DAPK2: variants seen among roughly 807,000 people sequenced by gnomAD.
The protein encoded by DAPK2 is death associated protein kinase 2.
Under a neutral mutation model 44.1 loss-of-function variants are expected in DAPK2, and 35 were observed. The observed-to-expected ratio is 0.79, with a 90% CI of 0.61 to 1.05. DAPK2 has a LOEUF of 1.05. Among genes scored for constraint, DAPK2 ranks in the 50% least tolerant of loss-of-function variants. The pLI, the probability that DAPK2 is intolerant of heterozygous loss-of-function variation, is 0.00. For synonymous variants in DAPK2, 174 were observed against 182.6 expected (o/e 0.95, Z 0.38); for missense variants, 453 against 483.2 (o/e 0.94, Z 0.59).
chr15:63,933,625 G>C (rs13380034), intron 4 of DAPK2, among the ~76,000 whole-genome samples: 3,389 of 141,562 alleles, frequency 0.024, 74 homozygotes, highest in Non-Finnish European at 0.035. Flanking sequence ...TTGAGACAGG[G>C]TCTTGCTTAG....
At chr15:63,934,715 GC>G (rs1191359014) in intron 4 of DAPK2, among the ~76,000 whole-genome samples, 1 of 152,020 alleles carries the variant, frequency 6.6e-6, no homozygotes, top group African/African-American at 2.4e-5. Context: ...GAGCCACAAT[GC>G]CTGGCTAATT....
At chr15:64,002,736 G>A (rs2079114369) in intron 1 of DAPK2, among the ~76,000 whole-genome samples, 1 of 152,214 alleles carries the variant, frequency 6.6e-6, no homozygotes, top group South Asian at 2.1e-4. Context: ...ACAGTAGGCA[G>A]CTATTTGGTA....
rs116004874 is a variant in DAPK2, at chr15:64,032,351, A to G, written c.92+7819T>C. ...AAGCATAATTTTTCCAAGAGTGAGG[A>G]AACAGCAAGAGCAAAGATAAGTCAT... On this transcript the variant is annotated intron_variant, in intron 1 of 10. Coordinates refer to ENST00000261891, the Ensembl canonical transcript of DAPK2. 8.0e-3 allele frequency among the ~76,000 whole-genome samples: 1,225 copies of G among 152,328 alleles called. 17 individuals carry two copies. Among genetic ancestry groups the G allele is most frequent in the African/African-American group, 0.025 (1,039 of 41,562 alleles).
At chr15:64,010,856 G>A (rs916657866) in intron 1 of DAPK2, among the ~76,000 whole-genome samples, 4 of 152,168 alleles carry the variant, frequency 2.6e-5, no homozygotes, top group African/African-American at 9.7e-5. Context: ...CTGTAATCTT[G>A]TTTATAAACT....
chr15:63,949,981 C>G, intron 3 of DAPK2, among the ~76,000 whole-genome samples: 1 of 152,174 alleles, frequency 6.6e-6, no homozygotes, highest in South Asian at 2.1e-4. Context: ...AAAAAGACTT[C>G]CATGCTGTGA....
At chr15:63,965,028 C>T (rs919105670) in intron 3 of DAPK2, among the ~76,000 whole-genome samples, 1 of 152,098 alleles carries the variant, frequency 6.6e-6, no homozygotes, top group African/African-American at 2.4e-5. Context: ...GATGTCTGGC[C>T]ATTGAAGAAT....
intron 1 of DAPK2, among the ~76,000 whole-genome samples, chr15:64,010,618 T>C (rs2079365294): frequency 6.6e-6 from 1 of 152,200 alleles, no homozygotes; most frequent in Non-Finnish European, 1.5e-5. Flanking sequence ...CTTAATGTCT[T>C]GATTTTCAGA....
intron 8 of DAPK2, chr15:63,922,492 C>T: frequency 2.3e-6 from 3 of 1,310,166 alleles, no homozygotes; most frequent in South Asian, 1.9e-5. Flanking sequence ...TACTCACTCT[C>T]TAATTGTTTT....
chr15:64,029,179 C>T (rs1305365716), intron 1 of DAPK2, among the ~76,000 whole-genome samples: 1 of 150,208 alleles, frequency 6.7e-6, no homozygotes, highest in Non-Finnish European at 1.5e-5. Flanking sequence ...GCAGACAGAG[C>T]TCAATGAGAC....
chr15:63,988,560 G>A (rs58868979), intron 1 of DAPK2, among the ~76,000 whole-genome samples: 19 of 149,930 alleles, frequency 1.3e-4, no homozygotes, highest in African/African-American at 3.2e-4. Flanking sequence ...GATGGAGTAC[G>A]GTGGCGCAAT....
At chr15:63,926,136 G>T in intron 6 of DAPK2, 43 bp from the exon 8 acceptor site, 2 of 1,564,272 alleles carry the variant, frequency 1.3e-6, no homozygotes, top group Non-Finnish European at 1.7e-6. Flanking sequence ...AGGGAAAGTA[G>T]GTGGAAATGG....
chr15:63,920,975 C>G (rs1253290409), intron 8 of DAPK2: 1 of 152,332 alleles, frequency 6.6e-6, no homozygotes, highest in Non-Finnish European at 1.5e-5. Flanking sequence ...AGGACGCTTC[C>G]CCCGATGCTG....
chr15:63,998,422 G>C (rs2079003511), intron 1 of DAPK2, among the ~76,000 whole-genome samples: 1 of 152,188 alleles, frequency 6.6e-6, no homozygotes, highest in African/African-American at 2.4e-5. Context: ...GCCCAGGAGA[G>C]CCAAAGGATG....
At chr15:64,043,779 T>C (rs530946950), upstream of DAPK2, among the ~76,000 whole-genome samples, 20 of 152,374 alleles carry the variant, frequency 1.3e-4, no homozygotes, top group South Asian at 3.9e-3. Context: ...AAACGGTCCA[T>C]GGATAACGTG....
At chr15:64,004,937 A>T (rs1368298086) in intron 1 of DAPK2, among the ~76,000 whole-genome samples, 1 of 152,182 alleles carries the variant, frequency 6.6e-6, no homozygotes, top group Non-Finnish European at 1.5e-5. Context: ...CTACTCCCAG[A>T]GTTCCTTTGA....
At position 63,970,740 on chromosome 15, in the gene DAPK2, T is replaced by G. The variant is rs181672445; in HGVS notation, c.453+683A>C. Among the ~76,000 whole-genome samples the G allele has an allele frequency of 2.6e-5, 4 of 152,342 alleles. No homozygotes were observed. In the East Asian group the frequency reaches 7.7e-4, roughly 29 times the overall value. On this transcript the variant is annotated intron_variant, in intron 3 of 10. Coordinates refer to ENST00000261891, the Ensembl canonical transcript of DAPK2. Reference sequence around the variant, plus strand: ...TAGAGGACTTTACACATTAAGTATCTGTATAGGCTCATCAGTCTATGCAAC... The same window carrying G: ...TAGAGGACTTTACACATTAAGTATCGGTATAGGCTCATCAGTCTATGCAAC...
In DAPK2 at chr15:63,987,207, T is replaced by C. The variant is rs1273385023; in HGVS notation, c.93-3453A>G. Among the ~76,000 whole-genome samples, 2 of 152,200 alleles carry C rather than the reference T, an allele frequency of 1.3e-5. 1 individual carries two copies. The highest frequency in any genetic ancestry group is 3.9e-4 in the East Asian group (2 of 5,194). ...AAAGCAGAACCTGAGGTGGCTCTAG[T>C]ATGCCCATCAGAGGGCCCAGCCAAC... On this transcript the variant is annotated intron_variant, in intron 1 of 10. Coordinates refer to ENST00000261891, the Ensembl canonical transcript of DAPK2.
intron 3 of DAPK2, among the ~76,000 whole-genome samples, chr15:63,952,943 C>A (rs114732390): frequency 0.035 from 5,298 of 151,942 alleles, 112 homozygotes; most frequent in South Asian, 0.091. Flanking sequence ...CCCTTCCCCC[C>A]ACCCCTGGCC....
At chr15:63,929,416 T>C (rs1323730679) in intron 6 of DAPK2, 135 bp downstream of exon 7, 1 of 1,153,874 alleles carries the variant, frequency 8.7e-7, no homozygotes, top group East Asian at 2.4e-5. Flanking sequence ...GCCTCAGGCT[T>C]GCTGTGTGGA....
Sources: allele counts gnomAD v4.1 joint callset (sites outside exome capture counted in the v4.1 genomes callset), GRCh38; gene constraint gnomAD v4.1.1; transcripts MANE v1.5; gene names NCBI Gene and HGNC (gene_info 2026-07-23, HGNC 2026-07-21).